The following C11orf65 variants were observed in gnomAD, a reference collection of about 807,000 sequenced individuals.
C11orf65 encodes protein MFI.
A neutral mutation model predicts 35.3 loss-of-function variants in C11orf65; 38 were observed. The ratio of observed to expected loss-of-function variants is 1.08; its 90% CI spans 0.83 to 1.41. The LOEUF is 1.41. Among genes scored for constraint, C11orf65 ranks in the 40% most tolerant of loss-of-function variants. The probability of loss-of-function intolerance (pLI) is 0.00; values close to 1 mark genes in which losing one functional copy is unlikely to be tolerated. For missense variants in C11orf65, 370 were observed against 367.1 expected (o/e 1.01, Z -0.06); for synonymous variants, 105 against 114.4 (o/e 0.92, Z 0.53).
intron 2 of C11orf65, chr11:108,347,410 G>T (rs1215128829): frequency 7.0e-7 from 1 of 1,438,000 alleles, no homozygotes; most frequent in East Asian, 2.3e-5. Context: ...GTAAATATTT[G>T]GTCATCATGG....
intron 1 of C11orf65, among the ~76,000 whole-genome samples, chr11:108,464,218 C>A (rs1004604043): frequency 1.3e-5 from 2 of 152,038 alleles, no homozygotes; most frequent in African/African-American, 2.4e-5. Context: ...TAAGCCATTG[C>A]GCTCAGCGGC....
intron 2 of C11orf65, among the ~76,000 whole-genome samples, chr11:108,447,167 C>G (rs2093275525): frequency 6.6e-6 from 1 of 152,094 alleles, no homozygotes; most frequent in Admixed American, 6.6e-5. Flanking sequence ...GACTTAGACT[C>G]CCACACAATA....
At chr11:108,451,858 T>C (rs2093352231) in intron 2 of C11orf65, among the ~76,000 whole-genome samples, 1 of 152,176 alleles carries the variant, frequency 6.6e-6, no homozygotes, top group Non-Finnish European at 1.5e-5. Flanking sequence ...ACCACACATC[T>C]ACAACCATCT....
intron 2 of C11orf65, among the ~76,000 whole-genome samples, chr11:108,440,381 G>C (rs982873745): frequency 6.6e-6 from 1 of 152,342 alleles, no homozygotes; most frequent in South Asian, 2.1e-4. Context: ...CACAATGACT[G>C]AGGCTTCAGC....
intron 2 of C11orf65, among the ~76,000 whole-genome samples, chr11:108,437,110 A>AAGGG (rs35610227): frequency 2.9e-5 from 3 of 101,906 alleles, no homozygotes; most frequent in African/African-American, 3.8e-5. Flanking sequence ...AAAAAAAAAA[A>AAGGG]GGGGGGGGGT....
chr11:108,309,222 T>C (rs1429712198), intron 6 of C11orf65, among the ~76,000 whole-genome samples: 1 of 152,214 alleles, frequency 6.6e-6, no homozygotes. Context: ...AAAAAATTGC[T>C]TGCTGTCTTT....
At position 108,422,177 on chromosome 11, in the gene C11orf65, C is replaced by T. The variant is rs545711618; in HGVS notation, c.174+9569G>A. 1.4e-3 allele frequency among the ~76,000 whole-genome samples: 206 copies of T among 152,274 alleles called. 1 individual carries two copies. The highest frequency in any genetic ancestry group is 4.7e-3 in the African/African-American group (194 of 41,566). On this transcript the variant is annotated intron_variant, in intron 3 of 8. Transcript: ENST00000393084. ...ACTCCTGACCTCATGATCCGCCCGA[C>T]TCAGCCTCCCAAAGTGCTGGGATTA... is the stretch of plus-strand genomic sequence containing the variant.
At chr11:108,361,640 G>A (rs1388748365) in intron 2 of C11orf65, among the ~76,000 whole-genome samples, 4 of 151,492 alleles carry the variant, frequency 2.6e-5, no homozygotes, top group East Asian at 2.0e-4. Flanking sequence ...TAGAAATAAC[G>A]CCGCATGTCT....
intron 2 of C11orf65, chr11:108,368,098 G>A (rs2091425875): frequency 4.8e-6 from 1 of 207,874 alleles, no homozygotes; most frequent in Non-Finnish European, 9.8e-6. Flanking sequence ...TGAGGCTCCT[G>A]TTCTGTTCAA....
chr11:108,430,386 G>T (rs1459252176), intron 3 of C11orf65, among the ~76,000 whole-genome samples: 1 of 149,380 alleles, frequency 6.7e-6, no homozygotes, highest in Non-Finnish European at 1.5e-5. Flanking sequence ...TGATCCGCCC[G>T]CCTCGGCCTC....
chr11:108,407,718 G>A (rs1279499920), intron 3 of C11orf65, among the ~76,000 whole-genome samples: 2 of 151,330 alleles, frequency 1.3e-5, no homozygotes, highest in African/African-American at 2.4e-5. Flanking sequence ...GCCGAGGTGG[G>A]TGGATAATGA....
At chr11:108,447,539 G>A (rs1001184343) in intron 2 of C11orf65, among the ~76,000 whole-genome samples, 2 of 152,022 alleles carry the variant, frequency 1.3e-5, no homozygotes, top group Non-Finnish European at 2.9e-5. Context: ...TGACTACTGG[G>A]TACATAACAA....
At chr11:108,381,551 C>T (rs1043424033), downstream of C11orf65, among the ~76,000 whole-genome samples, 4 of 152,174 alleles carry the variant, frequency 2.6e-5, no homozygotes, top group Admixed American at 2.6e-4. Context: ...ATAACCCATT[C>T]TTAACACAAA....
intron 1 of C11orf65, among the ~76,000 whole-genome samples, chr11:108,465,982 T>TAAA (rs1162955302): frequency 7.9e-6 from 1 of 126,072 alleles, no homozygotes; most frequent in Non-Finnish European, 1.7e-5. Context: ...AAACTCGGTC[T>TAAA]AAAAAAAAAA....
At chr11:108,373,392 A>C (rs1174054284) in intron 2 of C11orf65, among the ~76,000 whole-genome samples, 2 of 152,244 alleles carry the variant, frequency 1.3e-5, no homozygotes, top group Non-Finnish European at 2.9e-5. Flanking sequence ...TTTAATGATG[A>C]AAACCTTGGT....
At chr11:108,452,610 G>T (rs1374352841) in intron 2 of C11orf65, among the ~76,000 whole-genome samples, 1 of 152,184 alleles carries the variant, frequency 6.6e-6, no homozygotes, top group Non-Finnish European at 1.5e-5. Context: ...CAAGGATCTA[G>T]AACCAGAAAT....
intron 6 of C11orf65, chr11:108,317,277 T>C: frequency 1.5e-6 from 2 of 1,320,720 alleles, no homozygotes; most frequent in Non-Finnish European, 2.1e-6. Flanking sequence ...GAACTAAAAT[T>C]TGTCTAAGTT....
At chr11:108,350,271 G>A (rs2089022397) in intron 2 of C11orf65, among the ~76,000 whole-genome samples, 1 of 152,126 alleles carries the variant, frequency 6.6e-6, no homozygotes, top group Non-Finnish European at 1.5e-5. Flanking sequence ...GAGGGACAAG[G>A]GGACAAGGAG....
chr11:108,393,149 T>G, intron 7 of C11orf65, 59 bp downstream of exon 7: 1 of 1,494,646 alleles, frequency 6.7e-7, no homozygotes, highest in Non-Finnish European at 9.0e-7. Context: ...AAATAGGAAA[T>G]GTTAGAAAAA....
Sources: allele counts gnomAD v4.1 joint callset (sites outside exome capture counted in the v4.1 genomes callset), GRCh38; gene constraint gnomAD v4.1.1; transcripts MANE v1.5; gene names NCBI Gene and HGNC (gene_info 2026-07-23, HGNC 2026-07-21).